The following TBC1D15 variants were observed in gnomAD, a reference collection of about 807,000 sequenced individuals.
TBC1D15 encodes the protein TBC1 domain family member 15.
A neutral mutation model predicts 95.4 loss-of-function variants in TBC1D15; 39 were observed. The observed-to-expected ratio is 0.41, with a 90% CI of 0.32 to 0.53. The LOEUF is 0.53. Among genes scored for constraint, TBC1D15 ranks in the 20% least tolerant of loss-of-function variants. The pLI is 0.29. For synonymous variants in TBC1D15, 258 were observed against 261.3 expected (o/e 0.99, Z 0.12); for missense variants, 733 against 794.3 (o/e 0.92, Z 0.93).
intron 1 of TBC1D15, among the ~76,000 whole-genome samples, chr12:71,861,856 G>C (rs1839032735): frequency 6.6e-6 from 1 of 150,976 alleles, no homozygotes; most frequent in Non-Finnish European, 1.5e-5. Flanking sequence ...TACTTTTGCT[G>C]TATCCCATGG....
chr12:71,908,230 C>T (rs774912002), intron 11 of TBC1D15, among the ~76,000 whole-genome samples: 2 of 151,976 alleles, frequency 1.3e-5, no homozygotes, highest in African/African-American at 2.4e-5. Context: ...GGGGGAGGGA[C>T]GCTAAGGGGT....
intron 11 of TBC1D15, chr12:71,913,457 T>C (rs1902916203): frequency 6.0e-6 from 1 of 167,652 alleles, no homozygotes; most frequent in Non-Finnish European, 1.3e-5. Flanking sequence ...CTTAAACCTG[T>C]CTTTGAGTGT....
chr12:71,896,443 AGTCTACTGTATTC>A, intron 8 of TBC1D15: 1 of 253,852 alleles, frequency 3.9e-6, no homozygotes, highest in East Asian at 5.9e-5. Flanking sequence ...TGTCTGCTGT[AGTCTACTGTATTC>A]TGTAGTCTAC....
chr12:71,847,492 C>T (rs960227739), intron 1 of TBC1D15, among the ~76,000 whole-genome samples: 3 of 151,014 alleles, frequency 2.0e-5, no homozygotes, highest in East Asian at 2.0e-4. Context: ...GTAAGGAGTT[C>T]GAGACCAGCC....
At chr12:71,883,145 T>C (rs1895557721) in intron 4 of TBC1D15, among the ~76,000 whole-genome samples, 1 of 151,530 alleles carries the variant, frequency 6.6e-6, no homozygotes, top group Admixed American at 6.6e-5. Context: ...TTTTTTTTCA[T>C]TGCTGTTTTT....
rs199535075 is a variant in TBC1D15, at chr12:71,863,279, G to A, written c.31-8791G>A. On this transcript the variant is annotated intron_variant, in intron 1 of 16. Coordinates refer to ENST00000485960, the MANE Select transcript of TBC1D15 (RefSeq NM_001146213.3). ...TGTAGTCCCAGCTACTCAGGAGGCT[G>A]AGGCAGGAGAATGGCATGAACCTGG... is the stretch of plus-strand genomic sequence containing the variant. 3.9e-4 allele frequency among the ~76,000 whole-genome samples: 59 copies of A among 152,248 alleles called. No individual in the cohort carries two copies. The East Asian group carries it at 6.6e-3, about 17-fold the overall frequency.
chr12:71,881,584 T>C (rs982837644), intron 4 of TBC1D15, among the ~76,000 whole-genome samples: 1 of 152,144 alleles, frequency 6.6e-6, no homozygotes, highest in African/African-American at 2.4e-5. Context: ...ACAGATGTAA[T>C]CCTGCTTATG....
Position 71,915,037 on chromosome 12 carries a change from C to G in TBC1D15, c.1401+1111C>G, listed in dbSNP as rs1240914039. Among the ~76,000 whole-genome samples, 3 of 151,896 alleles carry G rather than the reference C, an allele frequency of 2.0e-5. 1 individual carries two copies. Among genetic ancestry groups the G allele is most frequent in the Non-Finnish European group, 4.4e-5 (3 of 67,898 alleles). On this transcript the variant is annotated intron_variant, in intron 12 of 16. Coordinates refer to ENST00000485960, the MANE Select transcript of TBC1D15 (RefSeq NM_001146213.3). The stretch of plus-strand genomic sequence containing the variant: ...CTTTTACATTAAATTCATGAATATT[C>G]AAATTGGTTTTTTGCCATAAATTAA...
rs139822886 is a variant in TBC1D15, at chr12:71,887,967, T to A, written c.554+2946T>A. Among the ~76,000 whole-genome samples the A allele has an allele frequency of 9.1e-4, 138 of 152,336 alleles. 1 individual carries two copies. In the East Asian group the frequency reaches 0.02, roughly 22 times the overall value. On this transcript the variant is annotated intron_variant, in intron 5 of 16. Transcript: ENST00000485960. ...TTGAAAGGTTATTGTGAGAAACAGA[T>A]TGGAGATTTGCTTTATGTGACTCCA...
In TBC1D15 at chr12:71,896,076, G is replaced by A. The variant is rs1202296394; in HGVS notation, c.984+1G>A. ...TATGAAGCAGATGATATTTAGAGGG[G>A]TAATTTAAACACTCTAATATGGCTT... On this transcript the variant is annotated splice_donor_variant, in intron 8 of 16. Coordinates refer to ENST00000485960, the MANE Select transcript of TBC1D15 (RefSeq NM_001146213.3). LOFTEE classifies it high-confidence loss of function. 1 of 1,603,794 alleles carries A rather than the reference G, an allele frequency of 6.2e-7. No individual in the cohort carries two copies.
intron 3 of TBC1D15, among the ~76,000 whole-genome samples, chr12:71,874,702 A>C (rs1246605795): frequency 6.9e-6 from 1 of 145,502 alleles, no homozygotes; most frequent in African/African-American, 2.6e-5. Flanking sequence ...AGCTCATTGC[A>C]ACCTCTACCT....
intron 15 of TBC1D15, among the ~76,000 whole-genome samples, chr12:71,921,053 A>C (rs550686529): frequency 1.1e-4 from 16 of 152,330 alleles, no homozygotes; most frequent in Non-Finnish European, 1.8e-4. Flanking sequence ...AAGAAAAGGA[A>C]ATTCAACAAG....
intron 1 of TBC1D15, chr12:71,861,411 G>T (rs1189622749): frequency 2.0e-6 from 3 of 1,470,534 alleles, no homozygotes; most frequent in South Asian, 2.8e-5. Context: ...TCAGGTTTTT[G>T]GTTTCTTCTT....
intron 5 of TBC1D15, among the ~76,000 whole-genome samples, chr12:71,890,030 T>A (rs528266198): frequency 6.6e-6 from 1 of 152,346 alleles, no homozygotes; most frequent in African/African-American, 2.4e-5. Flanking sequence ...ATTGTCTTTA[T>A]CCAGCCTACC....
chr12:71,865,685 G>A (rs1192349673), intron 1 of TBC1D15, among the ~76,000 whole-genome samples: 1 of 152,142 alleles, frequency 6.6e-6, no homozygotes, highest in East Asian at 1.9e-4. Context: ...CTCCAGGGAA[G>A]CAAGGTACTA....
chr12:71,907,173 A>G, intron 11 of TBC1D15, 35 bp downstream of exon 11: 1 of 1,279,316 alleles, frequency 7.8e-7, no homozygotes. Context: ...TAAAAGATGT[A>G]AATATATTTA....
chr12:71,921,040 A>C (rs951397680), intron 15 of TBC1D15, among the ~76,000 whole-genome samples, 193 bp downstream of exon 15: 1 of 152,202 alleles, frequency 6.6e-6, no homozygotes, highest in Non-Finnish European at 1.5e-5. Context: ...CTGGCTAATT[A>C]GGAAGAAAAG....
chr12:71,840,144 C>T (rs1884562161), intron 1 of TBC1D15, among the ~76,000 whole-genome samples: 1 of 152,134 alleles, frequency 6.6e-6, no homozygotes, highest in Admixed American at 6.5e-5. Flanking sequence ...GACTCTAGTT[C>T]TTTATGTCTA....
At chr12:71,909,576 A>G (rs1008951863) in intron 11 of TBC1D15, among the ~76,000 whole-genome samples, 1 of 152,194 alleles carries the variant, frequency 6.6e-6, no homozygotes, top group Non-Finnish European at 1.5e-5. Context: ...AATGTTTTTT[A>G]AGAATGATTT....
Sources: gnomAD v4.1 joint callset for allele counts (sites outside exome capture counted in the v4.1 genomes callset) on GRCh38, gnomAD v4.1.1 for gene constraint, MANE v1.5 for transcripts, NCBI Gene and HGNC (gene_info 2026-07-23, HGNC 2026-07-21) for gene names.